ALOX5AP: variants seen among roughly 807,000 people sequenced by gnomAD.
The protein encoded by ALOX5AP is arachidonate 5-lipoxygenase activating protein, also known as arachidonate 5-lipoxygenase-activating protein.
In ALOX5AP, 9 loss-of-function variants were observed where a neutral mutation model predicts 18.5. The ratio of observed to expected loss-of-function variants is 0.49; its 90% CI spans 0.29 to 0.85. The LOEUF is 0.85. ALOX5AP is among the 40% of genes least tolerant of loss of function. ALOX5AP has a pLI of 0.08. For missense variants in ALOX5AP, 172 were observed against 202.5 expected, an observed-to-expected ratio of 0.85 and a Z score of 0.91; for synonymous variants, 81 against 78.6, an observed-to-expected ratio of 1.03 and a Z score of -0.16.
At chr13:30,757,652 C>A (rs1469323461) in intron 4 of ALOX5AP, among the ~76,000 whole-genome samples, 2 of 152,126 alleles carry the variant, frequency 1.3e-5, no homozygotes, top group Non-Finnish European at 2.9e-5. Flanking sequence ...GGATGTGGCT[C>A]AGTCACTGCT....
At position 30,764,204 on chromosome 13, in the gene ALOX5AP, T is replaced by A; in HGVS notation, c.*98T>A. The A allele has an allele frequency of 7.5e-7, 1 of 1,338,490 alleles. No individual in the cohort carries two copies. The highest frequency in any genetic ancestry group is 1.0e-6 in the Non-Finnish European group (1 of 987,330). The allele number at this position is 1,338,490 out of a possible 1,614,324, so 82.9% of individuals were successfully genotyped here. On this transcript the variant is annotated 3_prime_UTR_variant, in exon 5 of 5. Coordinates refer to ENST00000380490, the MANE Select transcript of ALOX5AP (RefSeq NM_001629.4). Reference sequence around the variant, plus strand: ...AGCATTCTGCTCTTCTTTAGATGGCTGTAAATCTATTGGCCATCTGGGCTT... The same window carrying A: ...AGCATTCTGCTCTTCTTTAGATGGCAGTAAATCTATTGGCCATCTGGGCTT...
At chr13:30,720,599 T>C (rs1424414142) in intron 1 of ALOX5AP, among the ~76,000 whole-genome samples, 1 of 152,238 alleles carries the variant, frequency 6.6e-6, no homozygotes, top group Non-Finnish European at 1.5e-5. Flanking sequence ...CATCCTGTGT[T>C]AGTTATGAAA....
At chr13:30,751,149 C>T (rs553385625) in intron 2 of ALOX5AP, among the ~76,000 whole-genome samples, 156 of 152,232 alleles carry the variant, frequency 1.0e-3, no homozygotes, top group African/African-American at 3.1e-3. Flanking sequence ...CTGCAACCTC[C>T]GCCTCCCAGG....
intron 1 of ALOX5AP, among the ~76,000 whole-genome samples, chr13:30,740,104 G>A (rs1951751031): frequency 6.6e-6 from 1 of 152,130 alleles, no homozygotes; most frequent in Non-Finnish European, 1.5e-5. Flanking sequence ...TCCTCTTCCT[G>A]TGTTCTTTCT....
chr13:30,729,064 C>G (rs979137013), intron 1 of ALOX5AP, among the ~76,000 whole-genome samples: 18 of 152,034 alleles, frequency 1.2e-4, no homozygotes, highest in African/African-American at 4.3e-4. Context: ...TTTCATGCAC[C>G]TATTGGCTAT....
At chr13:30,729,057 C>T (rs930666636) in intron 1 of ALOX5AP, among the ~76,000 whole-genome samples, 2 of 152,268 alleles carry the variant, frequency 1.3e-5, no homozygotes, top group Non-Finnish European at 2.9e-5. Context: ...AACATCTTTT[C>T]ATGCACCTAT....
At chr13:30,747,684 T>C (rs1455232943) in intron 2 of ALOX5AP, among the ~76,000 whole-genome samples, 2 of 152,206 alleles carry the variant, frequency 1.3e-5, no homozygotes, top group Non-Finnish European at 2.9e-5. Flanking sequence ...TCATGGACTT[T>C]TAACAGGTGT....
At chr13:30,747,857 T>G (rs550344898) in intron 2 of ALOX5AP, among the ~76,000 whole-genome samples, 6 of 152,302 alleles carry the variant, frequency 3.9e-5, no homozygotes, top group Admixed American at 1.3e-4. Context: ...ACCACCCTCA[T>G]GTCGCTTCTC....
intron 2 of ALOX5AP, among the ~76,000 whole-genome samples, chr13:30,749,931 T>C (rs922019728): frequency 4.6e-5 from 7 of 152,198 alleles, no homozygotes; most frequent in Admixed American, 1.3e-4. Flanking sequence ...GTGGTACCAC[T>C]GAGGCATGAG....
intron 1 of ALOX5AP, among the ~76,000 whole-genome samples, chr13:30,738,610 A>G (rs1008583292): frequency 4.6e-5 from 7 of 152,188 alleles, no homozygotes; most frequent in African/African-American, 1.7e-4. Context: ...CTGCCTAGGT[A>G]CCAGCAGCTT....
intron 3 of ALOX5AP, 133 bp from the exon 4 acceptor site, chr13:30,755,811 G>C (rs1951888634): frequency 2.6e-6 from 2 of 777,444 alleles, no homozygotes; most frequent in Non-Finnish European, 4.4e-6. Context: ...GTTTCCTCTA[G>C]CCCTTGGGCT....
chr13:30,746,952 A>G (rs1423054167), intron 2 of ALOX5AP, among the ~76,000 whole-genome samples: 3 of 152,238 alleles, frequency 2.0e-5, no homozygotes, highest in Admixed American at 2.0e-4. Context: ...AGACAGATGC[A>G]TGTATTTTTA....
intron 1 of ALOX5AP, among the ~76,000 whole-genome samples, chr13:30,730,272 G>A (rs1191655795): frequency 1.3e-5 from 2 of 152,208 alleles, no homozygotes; most frequent in Non-Finnish European, 2.9e-5. Flanking sequence ...TCAGAACCAT[G>A]AGCTAGCTGT....
chr13:30,739,084 A>C (rs1593435316), intron 1 of ALOX5AP, among the ~76,000 whole-genome samples: 5 of 145,816 alleles, frequency 3.4e-5, no homozygotes, highest in African/African-American at 1.0e-4. Flanking sequence ...ACCCCCAACC[A>C]CCCCCCTCCA....
At chr13:30,734,004 G>A (rs571618844), upstream of ALOX5AP, among the ~76,000 whole-genome samples, 1 of 152,282 alleles carries the variant, frequency 6.6e-6, no homozygotes, top group East Asian at 1.9e-4. Context: ...TCCACCAGCA[G>A]CTTTTCTGAG....
At chr13:30,741,437 C>A (rs1408958273) in intron 1 of ALOX5AP, among the ~76,000 whole-genome samples, 1 of 148,208 alleles carries the variant, frequency 6.7e-6, no homozygotes, top group East Asian at 2.0e-4. Context: ...ACTCTTGTCA[C>A]CCAGGCTGGA....
At chr13:30,728,984 T>C (rs1374334448) in intron 1 of ALOX5AP, among the ~76,000 whole-genome samples, 1 of 152,232 alleles carries the variant, frequency 6.6e-6, no homozygotes, top group Non-Finnish European at 1.5e-5. Flanking sequence ...ACCATTCCAA[T>C]AGATGTATTG....
intron 1 of ALOX5AP, among the ~76,000 whole-genome samples, chr13:30,716,268 G>A (rs1434355772): frequency 6.6e-6 from 1 of 152,228 alleles, no homozygotes; most frequent in Non-Finnish European, 1.5e-5. Flanking sequence ...CAACAACAGG[G>A]AAAGGGACAC....
At chr13:30,745,302 C>T (rs1247579527) in intron 2 of ALOX5AP, among the ~76,000 whole-genome samples, 2 of 152,196 alleles carry the variant, frequency 1.3e-5, no homozygotes, top group Non-Finnish European at 2.9e-5. Context: ...TTTTCATTGG[C>T]TGCTTTGCTC....
Sources: allele counts gnomAD v4.1 joint callset (sites outside exome capture counted in the v4.1 genomes callset), GRCh38; gene constraint gnomAD v4.1.1; transcripts MANE v1.5; gene names NCBI Gene and HGNC (gene_info 2026-07-23, HGNC 2026-07-21).